CCNDBP1: variants seen among roughly 807,000 people sequenced by gnomAD.
The protein encoded by CCNDBP1 is cyclin-D1-binding protein 1.
A neutral mutation model predicts 46.2 loss-of-function variants in CCNDBP1; 45 were observed. That is an observed-to-expected ratio of 0.97 (90% CI 0.77 to 1.25). CCNDBP1 has a LOEUF of 1.25. CCNDBP1 is among the 50% of genes most tolerant of loss of function. The pLI, the probability that CCNDBP1 is intolerant of heterozygous loss-of-function variation, is 0.00. For missense variants in CCNDBP1, 436 were observed against 442.1 expected (o/e 0.99, Z 0.12); for synonymous variants, 154 against 163.6 (o/e 0.94, Z 0.45).
At chr15:43,194,511 C>T (rs1171307950) in intron 10 of CCNDBP1, 50 bp downstream of exon 10, 2 of 1,450,920 alleles carry the variant, frequency 1.4e-6, no homozygotes, top group Non-Finnish European at 1.9e-6. Flanking sequence ...AACGGAACTG[C>T]TGTCCAGACG....
Position 43,195,740 on chromosome 15 carries a change from G to A in CCNDBP1, c.*899G>A, listed in dbSNP as rs2042030796. 6.6e-6 allele frequency: 1 copy of A among 152,212 alleles called. No homozygotes were observed. The allele number at this position is 152,212 out of a possible 1,614,324, so 9.4% of individuals were successfully genotyped here. On this transcript the variant is annotated 3_prime_UTR_variant, in exon 11 of 11. Transcript: ENST00000300213. ...GTGAGCTGAATAGGGCATTATGCAT[G>A]TCCTACAGGTCTCCGCCACCTCTCA...
intron 10 of CCNDBP1, 27 bp from the exon 11 acceptor site, chr15:43,194,700 C>T: frequency 6.6e-7 from 1 of 1,520,154 alleles, no homozygotes; most frequent in Non-Finnish European, 9.1e-7. Flanking sequence ...ATAAGTTTAA[C>T]TTACTTCTTT....
At position 43,197,019 on chromosome 15, in the gene CCNDBP1, G is replaced by A; in HGVS notation, c.*2178G>A. 1 of 431,454 alleles carries A rather than the reference G, an allele frequency of 2.3e-6. No homozygotes were observed. Among genetic ancestry groups the A allele is most frequent in the Non-Finnish European group, 4.3e-6 (1 of 231,458 alleles). The allele number at this position is 431,454 out of a possible 1,614,324, so 26.7% of individuals were successfully genotyped here. On this transcript the variant is annotated 3_prime_UTR_variant, in exon 11 of 11. Transcript: ENST00000300213. ...GCTGTTAAAACGAGGCTGGCACCTG[G>A]CACTTACCCCTACCCCTCAACCCAT...
intron 5 of CCNDBP1, 43 bp downstream of exon 5, chr15:43,190,194 T>A (rs754056129): frequency 1.2e-6 from 2 of 1,602,244 alleles, no homozygotes; most frequent in Non-Finnish European, 1.7e-6. Flanking sequence ...TGGGGTTCCT[T>A]GCCTCAGAGG....
At position 43,190,324 on chromosome 15, in the gene CCNDBP1, G is replaced by A; in HGVS notation, c.429-1G>A. 1 of 1,614,046 alleles carries A rather than the reference G, an allele frequency of 6.2e-7. No individual in the cohort carries two copies. Among genetic ancestry groups the A allele is most frequent in the African/African-American group, 1.3e-5 (1 of 75,012 alleles). Reference sequence around the variant, plus strand: ...ATATCCTTACTGATTTCTTTCCCCAGCCCTGAGAACAATGACCTTATTTCC... The same window carrying A: ...ATATCCTTACTGATTTCTTTCCCCAACCCTGAGAACAATGACCTTATTTCC... On this transcript the variant is annotated splice_acceptor_variant, in intron 5 of 10. Coordinates refer to ENST00000300213, the MANE Select transcript of CCNDBP1 (RefSeq NM_012142.5). LOFTEE classifies it high-confidence loss of function.
chr15:43,194,317 T>C (rs879662236), intron 9 of CCNDBP1, 98 bp from the exon 10 acceptor site: 26 of 1,005,500 alleles, frequency 2.6e-5, no homozygotes, highest in Non-Finnish European at 3.5e-5. Flanking sequence ...AGGTCCTTTT[T>C]CTAAATAATT....
Position 43,185,602 on chromosome 15 carries a change from T to A in CCNDBP1, c.104T>A (p.Val35Glu), listed in dbSNP as rs757054271. The A allele has an allele frequency of 2.9e-6, 4 of 1,365,348 alleles. No individual in the cohort carries two copies. Among genetic ancestry groups the A allele is most frequent in the East Asian group, 4.2e-5 (1 of 23,782 alleles). The allele number at this position is 1,365,348 out of a possible 1,614,324, so 84.6% of individuals were successfully genotyped here. A position where few individuals can be genotyped will look rare whatever the true frequency, so the allele number is the denominator to read the frequency against. ...GAGCTGCGGTTGCTCCTGCCTCGAG[T>A]GCGGGGTGAGCTGACGGAGTTAGAA... ...AEELRLLLPR[V>E]RVGEAQETTE... is the part of the protein sequence containing the mutation. Residue 35 changes from valine to glutamate, a missense_variant, in exon 1 of 11, where the codon GTG becomes GAG. Val to Glu is a moderately radical substitution (Grantham distance 121). Coordinates refer to ENST00000300213, the MANE Select transcript of CCNDBP1 (RefSeq NM_012142.5).
intron 3 of CCNDBP1, among the ~76,000 whole-genome samples, chr15:43,186,622 G>A (rs2041846573): frequency 6.6e-6 from 1 of 152,172 alleles, no homozygotes; most frequent in South Asian, 2.1e-4. Flanking sequence ...TCTATCTGAT[G>A]TCTAAGCTAC....
intron 8 of CCNDBP1, 58 bp from the exon 9 acceptor site, chr15:43,192,682 GTAC>G: frequency 1.4e-6 from 2 of 1,460,350 alleles, no homozygotes; most frequent in Non-Finnish European, 1.9e-6. Context: ...CCATAGTTGT[GTAC>G]TAGAAACAAC....
At position 43,194,970 on chromosome 15, in the gene CCNDBP1, A is replaced by C. The variant is rs1304910565; in HGVS notation, c.*129A>C. 1.7e-6 allele frequency: 1 copy of C among 596,396 alleles called. No individual in the cohort carries two copies. Among genetic ancestry groups the C allele is most frequent in the African/African-American group, 1.9e-5 (1 of 52,568 alleles). The allele number at this position is 596,396 out of a possible 1,614,324, so 36.9% of individuals were successfully genotyped here. A position where few individuals can be genotyped will look rare whatever the true frequency, so the allele number is the denominator to read the frequency against. On this transcript the variant is annotated 3_prime_UTR_variant, in exon 11 of 11. Coordinates refer to ENST00000300213, the MANE Select transcript of CCNDBP1 (RefSeq NM_012142.5). ...TGCCTATCTATATTTAGCAAGAGAC[A>C]CTATTACCAAAGATTGTTGGTTAGG...
At chr15:43,189,876 G>A (rs543769908) in intron 4 of CCNDBP1, 179 bp from the exon 5 acceptor site, 327 of 568,806 alleles carry the variant, frequency 5.7e-4, no homozygotes, top group Non-Finnish European at 5.0e-4. Context: ...ACTAAGGAAT[G>A]GCAGGAGGGG....
chr15:43,187,260 A>G (rs778920895), intron 3 of CCNDBP1, among the ~76,000 whole-genome samples: 1 of 149,876 alleles, frequency 6.7e-6, no homozygotes, highest in Non-Finnish European at 1.5e-5. Context: ...CTCCTCCTAC[A>G]TACCTTTGAG....
intron 9 of CCNDBP1, chr15:43,194,149 C>CTTTTTCTGTCCT: frequency 3.5e-6 from 1 of 282,434 alleles, no homozygotes; most frequent in Non-Finnish European, 6.5e-6. Context: ...TTACATTTTC[C>CTTTTTCTGTCCT]TTTTTCTGTC....
At chr15:43,185,647 G>A in intron 1 of CCNDBP1, 40 bp downstream of exon 1, 1 of 1,382,234 alleles carries the variant, frequency 7.2e-7, no homozygotes, top group Non-Finnish European at 9.8e-7. Context: ...GCAGGGGCGG[G>A]CTCGGGGTCG....
rs764324291 is a variant in CCNDBP1, at chr15:43,195,026, C to T, written c.*185C>T. The T allele has an allele frequency of 1.3e-4, 60 of 472,930 alleles. No homozygotes were observed. Among genetic ancestry groups the T allele is most frequent in the Middle Eastern group, 3.1e-4 (1 of 3,254 alleles). The allele number at this position is 472,930 out of a possible 1,614,324, so 29.3% of individuals were successfully genotyped here. The stretch of plus-strand genomic sequence containing the variant: ...TTGACACCTATTTATAAACCATATG[C>T]GTATATTTTTCTGTGCTATATATGA... On this transcript the variant is annotated 3_prime_UTR_variant, in exon 11 of 11. Coordinates refer to ENST00000300213, the MANE Select transcript of CCNDBP1 (RefSeq NM_012142.5).
intron 1 of CCNDBP1, 78 bp downstream of exon 1, chr15:43,185,685 G>C: frequency 7.2e-7 from 1 of 1,380,376 alleles, no homozygotes; most frequent in South Asian, 1.3e-5. Context: ...GGGTCGGGGA[G>C]AGGCCGGGCT....
At position 43,197,145 on chromosome 15, in the gene CCNDBP1, G is replaced by T; in HGVS notation, c.*2304G>T. On this transcript the variant is annotated 3_prime_UTR_variant, in exon 11 of 11. Coordinates refer to ENST00000300213, the MANE Select transcript of CCNDBP1 (RefSeq NM_012142.5). ...TGTTTCTTGTACAGCCTGCAGAGCC[G>T]TGAGCCAAATAAAGCTCTTTTCTTT... 1 of 1,022,714 alleles carries T rather than the reference G, an allele frequency of 9.8e-7. No individual in the cohort carries two copies. The highest frequency in any genetic ancestry group is 1.5e-6 in the Non-Finnish European group (1 of 679,794). The allele number at this position is 1,022,714 out of a possible 1,614,324, so 63.4% of individuals were successfully genotyped here.
At position 43,191,702 on chromosome 15, in the gene CCNDBP1, C is replaced by G. The variant is rs1462656143; in HGVS notation, c.860+27C>G. 1.9e-6 allele frequency: 3 copies of G among 1,592,372 alleles called. No homozygotes were observed. In the African/African-American group the frequency reaches 4.0e-5, roughly 21 times the overall value. ...TAAGCGGGATCCCCACTTGAAACAT[C>G]TGAGCAGCAGCGTTCTGATTTCAAT... is the stretch of plus-strand genomic sequence containing the variant. On this transcript the variant is annotated intron_variant, in intron 8 of 10. Transcript: ENST00000300213.
At chr15:43,188,928 A>G (rs2041896486) in intron 3 of CCNDBP1, 1 of 274,044 alleles carries the variant, frequency 3.6e-6, no homozygotes, top group Non-Finnish European at 6.9e-6. Flanking sequence ...AATACAAAAA[A>G]TTAGCTGGGT....
Sources: gnomAD v4.1 joint callset for allele counts (sites outside exome capture counted in the v4.1 genomes callset) on GRCh38, gnomAD v4.1.1 for gene constraint, MANE v1.5 for transcripts, NCBI Gene and HGNC (gene_info 2026-07-23, HGNC 2026-07-21) for gene names.